ANKHD1: variants seen among roughly 807,000 people sequenced by gnomAD.
ANKHD1 encodes the protein ankyrin repeat and KH domain containing 1.
Under a neutral mutation model 230.5 loss-of-function variants are expected in ANKHD1, and 31 were observed. That is an observed-to-expected ratio of 0.13 (90% CI 0.10 to 0.18). ANKHD1 has a LOEUF of 0.18. Ranked by LOEUF, ANKHD1 falls within the 10% of genes least tolerant of loss-of-function variation. The probability of loss-of-function intolerance (pLI) is 1.00; values close to 1 mark genes in which losing one functional copy is unlikely to be tolerated. For synonymous variants in ANKHD1, 1,074 were observed against 1,117.6 expected (o/e 0.96, Z 0.78); for missense variants, 2,256 against 3,071.3 (o/e 0.73, Z 6.27).
At chr5:140,420,269 C>T (rs1771870470) in intron 1 of ANKHD1, among the ~76,000 whole-genome samples, 1 of 151,852 alleles carries the variant, frequency 6.6e-6, no homozygotes, top group Non-Finnish European at 1.5e-5. Context: ...GGATTATATG[C>T]ATGAGCCACC....
chr5:140,537,449 A>G lies in ANKHD1; in HGVS notation c.7088A>G (p.Lys2363Arg). The G allele has an allele frequency of 6.2e-7, 1 of 1,614,186 alleles. No individual in the cohort carries two copies. Among genetic ancestry groups the G allele is most frequent in the Non-Finnish European group, 8.5e-7 (1 of 1,180,036 alleles). ...GGAGTCAGTGCCAGTCAAGATCGAA[A>G]GATACCTCCCCCAATTGGAACAGAG... ...PKGVSASQDRKIPPPIGTERL... is the reference protein window; with the variant it reads ...PKGVSASQDRRIPPPIGTERL... The change falls in exon 31 of 34, where the codon AAG (lysine) becomes AGG (arginine). Residue 2363 changes from lysine (K) to arginine (R), a missense_variant. Physicochemically the swap from Lys to Arg is conservative, Grantham distance 26. Coordinates refer to ENST00000360839, the MANE Select transcript of ANKHD1 (RefSeq NM_017747.3).
chr5:140,505,380 C>A, intron 17 of ANKHD1, 147 bp downstream of exon 17: 2 of 1,037,130 alleles, frequency 1.9e-6, no homozygotes, highest in Non-Finnish European at 2.8e-6. Context: ...CATTATTCTG[C>A]GGAGCCAAAT....
At chr5:140,415,952 G>A (rs1438221245) in intron 1 of ANKHD1, among the ~76,000 whole-genome samples, 1 of 151,434 alleles carries the variant, frequency 6.6e-6, no homozygotes, top group Non-Finnish European at 1.5e-5. Flanking sequence ...CTGACCCCAC[G>A]ACAGGCCCCG....
chr5:140,486,372 A>C lies in ANKHD1; in HGVS notation c.2143-586A>C, dbSNP rs75691367. Among the ~76,000 whole-genome samples the C allele has an allele frequency of 5.4e-3, 815 of 152,102 alleles. 4 individuals are homozygous for C. The highest frequency in any genetic ancestry group is 0.019 in the African/African-American group (774 of 41,514). On this transcript the variant is annotated intron_variant, in intron 13 of 33. Transcript: ENST00000360839. The stretch of plus-strand genomic sequence containing the variant: ...GAGCCACATGCCCGGCCGAGAAAGC[A>C]TTTTCTTAATACCTCCCAAGGTAGT...
At chr5:140,445,532 T>C (rs1774213268) in intron 5 of ANKHD1, among the ~76,000 whole-genome samples, 1 of 149,910 alleles carries the variant, frequency 6.7e-6, no homozygotes. Flanking sequence ...ATTAAGGTGA[T>C]GCTTCTAACC....
intron 24 of ANKHD1, among the ~76,000 whole-genome samples, chr5:140,520,226 G>T (rs1411223931): frequency 6.6e-6 from 1 of 152,152 alleles, no homozygotes; most frequent in East Asian, 1.9e-4. Context: ...AAACCACAAT[G>T]AGATACCATC....
rs1197375004 is a variant in ANKHD1, at chr5:140,446,065, T to G, written c.1147+90T>G. The G allele has an allele frequency of 3.2e-6, 4 of 1,246,940 alleles. No individual in the cohort carries two copies. The Admixed American group carries it at 1.3e-4, about 42-fold the overall frequency. The allele number at this position is 1,246,940 out of a possible 1,614,324, so 77.2% of individuals were successfully genotyped here. The stretch of plus-strand genomic sequence containing the variant: ...AGTATTTGAGTTTACTTTATATTGC[T>G]TATGTTTTCCCTGTGCTATAAAATT... On this transcript the variant is annotated intron_variant, in intron 6 of 33. Coordinates refer to ENST00000360839, the MANE Select transcript of ANKHD1 (RefSeq NM_017747.3).
Position 140,526,965 on chromosome 5 carries a change from A to G in ANKHD1, c.4978A>G (p.Ser1660Gly), listed in dbSNP as rs755474248. The change falls in exon 27 of 34, where the codon AGC becomes GGC. Residue 1660 changes from serine (S) to glycine (G), a missense_variant. This residue lies in a region of ANKHD1 where 212 missense variants were observed against 257.3 expected (regional missense o/e 0.82). Transcript: ENST00000360839. ...AGTGACTCCTAATTCCTTGTCAACCAGCTACAAGACAGTGTCATTGCCATT... is the reference window on the plus strand; with the variant it reads ...AGTGACTCCTAATTCCTTGTCAACCGGCTACAAGACAGTGTCATTGCCATT... The part of the protein sequence containing the change: ...GEVTPNSLST[S>G]YKTVSLPLSS... 2.5e-6 allele frequency: 4 copies of G among 1,613,162 alleles called. No individual in the cohort carries two copies. Among genetic ancestry groups the G allele is most frequent in the Admixed American group, 3.3e-5 (2 of 59,790 alleles).
intron 15 of ANKHD1, among the ~76,000 whole-genome samples, chr5:140,501,099 G>GTTT (rs772838208): frequency 2.2e-5 from 3 of 136,948 alleles, no homozygotes; most frequent in Non-Finnish European, 3.2e-5. Flanking sequence ...ATAGGTTTTT[G>GTTT]TTTTTTTTTT....
intron 9 of ANKHD1, among the ~76,000 whole-genome samples, chr5:140,462,677 A>C (rs1581286084): frequency 7.4e-6 from 1 of 134,756 alleles, no homozygotes; most frequent in Admixed American, 8.8e-5. Context: ...GTGAGCCGAG[A>C]TGGTGCCACT....
intron 31 of ANKHD1, 98 bp downstream of exon 31, chr5:140,537,687 T>C: frequency 7.0e-7 from 1 of 1,436,110 alleles, no homozygotes; most frequent in Non-Finnish European, 9.2e-7. Flanking sequence ...CAAAAAAAAC[T>C]TAGTTCCTAT....
chr5:140,498,860 T>TG (rs1752153775), intron 15 of ANKHD1, among the ~76,000 whole-genome samples: 1 of 151,668 alleles, frequency 6.6e-6, no homozygotes, highest in Non-Finnish European at 1.5e-5. Flanking sequence ...TAGAACTTTT[T>TG]TTTTTTTAAA....
At chr5:140,454,300 A>C (rs989218295) in intron 7 of ANKHD1, among the ~76,000 whole-genome samples, 1 of 152,176 alleles carries the variant, frequency 6.6e-6, no homozygotes, top group African/African-American at 2.4e-5. Context: ...TAGACAGATC[A>C]ACAAGACAGA....
At chr5:140,432,118 G>A (rs921078096) in intron 1 of ANKHD1, among the ~76,000 whole-genome samples, 13 of 152,282 alleles carry the variant, frequency 8.5e-5, no homozygotes, top group Admixed American at 2.6e-4. Context: ...ATAAGATATA[G>A]CATTTTAAAG....
chr5:140,530,035 C>A (rs1753744128), intron 29 of ANKHD1, among the ~76,000 whole-genome samples: 1 of 151,420 alleles, frequency 6.6e-6, no homozygotes, highest in Non-Finnish European at 1.5e-5. Context: ...TTCAAGGATT[C>A]CAAATTTACA....
At chr5:140,495,401 A>G (rs892338974) in intron 14 of ANKHD1, among the ~76,000 whole-genome samples, 3 of 151,890 alleles carry the variant, frequency 2.0e-5, no homozygotes. Context: ...ACCCGCCACC[A>G]TGCCTGGCTG....
chr5:140,401,876 C>T lies in ANKHD1; in HGVS notation c.-92C>T, dbSNP rs1036668659. The T allele has an allele frequency of 3.4e-6, 5 of 1,462,568 alleles. No individual in the cohort carries two copies. Among genetic ancestry groups the T allele is most frequent in the East Asian group, 5.5e-5 (2 of 36,632 alleles). The allele number at this position is 1,462,568 out of a possible 1,614,324, so 90.6% of individuals were successfully genotyped here. A position where few individuals can be genotyped will look rare whatever the true frequency, so the allele number is the denominator to read the frequency against. On this transcript the variant is annotated 5_prime_UTR_variant, in exon 1 of 34. Transcript: ENST00000360839. ...CTGCTGGGACGGGGGAAAGGAGACG[C>T]TTCTTCCTCTTGCTGCTCTTCTCGT...
At position 140,516,392 on chromosome 5, in the gene ANKHD1, T is replaced by G. The variant is rs536742871; in HGVS notation, c.4317+2913T>G. Among the ~76,000 whole-genome samples, 293 of 152,258 alleles carry G rather than the reference T, an allele frequency of 1.9e-3. 2 individuals carry two copies. Among genetic ancestry groups the G allele is most frequent in the African/African-American group, 6.2e-3 (256 of 41,544 alleles). ...ACTGCAGGATATTATCCAGGAGAAC[T>G]TCCCCAATCTAGCAAGGCAGGCCAA... On this transcript the variant is annotated intron_variant, in intron 24 of 33. Coordinates refer to ENST00000360839, the MANE Select transcript of ANKHD1 (RefSeq NM_017747.3).
At chr5:140,525,579 T>G (rs1180670912) in intron 25 of ANKHD1, among the ~76,000 whole-genome samples, 1 of 152,152 alleles carries the variant, frequency 6.6e-6, no homozygotes, top group Non-Finnish European at 1.5e-5. Flanking sequence ...GTAAAAGATT[T>G]CTTTATTTCA....
Sources: gnomAD v4.1 joint callset for allele counts (sites outside exome capture counted in the v4.1 genomes callset) on GRCh38, gnomAD v4.1.1 for gene constraint, gnomAD v4.1.1 regional missense constraint, MANE v1.5 for transcripts, NCBI Gene and HGNC (gene_info 2026-07-23, HGNC 2026-07-21) for gene names.